Variants in PEBP4 observed in about 807,000 individuals in gnomAD.
PEBP4 encodes the protein phosphatidylethanolamine binding protein 4, also known as phosphatidylethanolamine-binding protein 4.
A neutral mutation model predicts 23.9 loss-of-function variants in PEBP4; 22 were observed. The observed-to-expected ratio is 0.92, with a 90% CI of 0.66 to 1.31. The LOEUF (loss-of-function observed/expected upper bound fraction) is 1.31. Ranked by LOEUF, PEBP4 falls within the 40% of genes most tolerant of loss-of-function variation. The pLI, the probability that PEBP4 is intolerant of heterozygous loss-of-function variation, is 0.00. For synonymous variants in PEBP4, 112 were observed against 99.3 expected (o/e 1.13, Z -0.76); for missense variants, 324 against 281.7 (o/e 1.15, Z -1.07).
intron 4 of PEBP4, among the ~76,000 whole-genome samples, chr8:22,768,433 C>T (rs748563854): frequency 2.0e-5 from 3 of 152,158 alleles, no homozygotes; most frequent in Non-Finnish European, 2.9e-5. Flanking sequence ...GGGGTGCTCA[C>T]GCGAGCCCCC....
At chr8:22,767,392 A>C (rs1805631413) in intron 4 of PEBP4, among the ~76,000 whole-genome samples, 1 of 152,160 alleles carries the variant, frequency 6.6e-6, no homozygotes, top group Non-Finnish European at 1.5e-5. Flanking sequence ...TTTGTTTGTA[A>C]ATCAGAGGGA....
chr8:22,889,032 A>G (rs1276795945), intron 3 of PEBP4, among the ~76,000 whole-genome samples: 2 of 152,168 alleles, frequency 1.3e-5, no homozygotes, highest in Non-Finnish European at 2.9e-5. Context: ...ATTCAAAAGT[A>G]TGTTTGTTTT....
chr8:22,800,191 C>A (rs1806354282), intron 4 of PEBP4, among the ~76,000 whole-genome samples: 1 of 152,054 alleles, frequency 6.6e-6, no homozygotes, highest in Non-Finnish European at 1.5e-5. Context: ...CTGACCTAAA[C>A]AATGCTTGCT....
chr8:22,852,403 A>G (rs1807568618), intron 3 of PEBP4, among the ~76,000 whole-genome samples: 1 of 152,116 alleles, frequency 6.6e-6, no homozygotes, highest in Non-Finnish European at 1.5e-5. Flanking sequence ...GCACCCTCCC[A>G]TCTTCAACGA....
At chr8:22,893,150 G>T (rs1041906417) in intron 3 of PEBP4, among the ~76,000 whole-genome samples, 1 of 152,208 alleles carries the variant, frequency 6.6e-6, no homozygotes, top group Admixed American at 6.5e-5. Flanking sequence ...GAATAAATTT[G>T]TATTCCCACC....
intron 4 of PEBP4, among the ~76,000 whole-genome samples, chr8:22,764,610 T>C (rs77889142): frequency 0.01 from 1,561 of 152,172 alleles, 27 homozygotes; most frequent in African/African-American, 0.036. Flanking sequence ...TCTTGGAATG[T>C]GTGTTTGGTA....
chr8:22,921,252 A>G (rs1183861431), intron 2 of PEBP4, among the ~76,000 whole-genome samples: 1 of 152,248 alleles, frequency 6.6e-6, no homozygotes, highest in African/African-American at 2.4e-5. Flanking sequence ...GGGTTAAGAC[A>G]TCACTGAGAG....
Position 22,724,922 on chromosome 8 carries a change from G to A in PEBP4, c.438C>T (p.Gly146=), listed in dbSNP as rs772206404. The part of the protein sequence containing the change: ...YQAPSPPAHS[G]FHRYQFFVYL... ...AGACAAAGAACTGGTAGCGATGGAA[G>A]CCACTGTGTGCCGGTGGGGAGGGAG... Residue 146 remains glycine, a synonymous_variant, in exon 6 of 7, where the codon GGC becomes GGT. Coordinates refer to ENST00000256404, the MANE Select transcript of PEBP4 (RefSeq NM_144962.3). 2.5e-6 allele frequency: 4 copies of A among 1,614,138 alleles called. No individual in the cohort carries two copies. In the South Asian group the frequency reaches 4.4e-5, roughly 18 times the overall value.
chr8:22,815,617 T>A (rs183240461), intron 4 of PEBP4, among the ~76,000 whole-genome samples: 2 of 152,118 alleles, frequency 1.3e-5, no homozygotes, highest in African/African-American at 4.8e-5. Context: ...AGGGAAGCAG[T>A]GCAAATGTGA....
intron 3 of PEBP4, among the ~76,000 whole-genome samples, chr8:22,850,979 A>G (rs1340411050): frequency 6.6e-6 from 1 of 152,262 alleles, no homozygotes; most frequent in Non-Finnish European, 1.5e-5. Flanking sequence ...CATCTTGGGC[A>G]TCCAACAGTT....
At chr8:22,737,514 G>C (rs573358821) in intron 4 of PEBP4, among the ~76,000 whole-genome samples, 1 of 152,140 alleles carries the variant, frequency 6.6e-6, no homozygotes, top group South Asian at 2.1e-4. Flanking sequence ...GAAATTCCCC[G>C]CTAAGGTGCA....
chr8:22,905,189 A>G (rs1808785707), intron 3 of PEBP4, among the ~76,000 whole-genome samples: 2 of 152,296 alleles, frequency 1.3e-5, no homozygotes, highest in Admixed American at 1.3e-4. Context: ...ATTTTCTAAA[A>G]TCACATTTTT....
chr8:22,817,852 G>A lies in PEBP4; in HGVS notation c.259-117C>T, dbSNP rs149162916. ...AGAATGGCTGAGTAGCCCCTATGGC[G>A]TCCCATCCAGTTTATCCTTGCTCTC... On this transcript the variant is annotated intron_variant, in intron 3 of 6. Transcript: ENST00000256404. 59 of 834,104 alleles carry A rather than the reference G, an allele frequency of 7.1e-5. No homozygotes were observed. The Middle Eastern group carries it at 3.8e-3, about 54-fold the overall frequency. 51.7% of individuals were successfully genotyped at this position (834,104 alleles called of 1,614,324 possible).
intron 4 of PEBP4, among the ~76,000 whole-genome samples, chr8:22,729,529 C>T (rs1563196696): frequency 1.3e-5 from 2 of 152,222 alleles, no homozygotes; most frequent in Admixed American, 6.5e-5. Flanking sequence ...TGATCTGGAG[C>T]CTTGATGGGG....
intron 3 of PEBP4, among the ~76,000 whole-genome samples, chr8:22,823,891 G>A (rs1231946981): frequency 6.6e-6 from 1 of 152,086 alleles, no homozygotes; most frequent in Non-Finnish European, 1.5e-5. Flanking sequence ...ATACGAACAA[G>A]TTTACTAGTC....
At chr8:22,834,831 A>C (rs191246022) in intron 3 of PEBP4, among the ~76,000 whole-genome samples, 4 of 152,292 alleles carry the variant, frequency 2.6e-5, no homozygotes, top group Non-Finnish European at 5.9e-5. Flanking sequence ...CAAGTGTGTG[A>C]CTGAAAGCCT....
chr8:22,925,447 A>T (rs1463394370), intron 2 of PEBP4: 6 of 525,926 alleles, frequency 1.1e-5, no homozygotes, highest in Non-Finnish European at 1.5e-5. Flanking sequence ...CTGTGGGCAG[A>T]TTTCTTAATC....
At chr8:22,854,450 G>A (rs73555812) in intron 3 of PEBP4, among the ~76,000 whole-genome samples, 3,422 of 152,234 alleles carry the variant, frequency 0.022, 137 homozygotes, top group African/African-American at 0.077. Flanking sequence ...TAGTCTTGCC[G>A]TAGGGACCAG....
intron 3 of PEBP4, among the ~76,000 whole-genome samples, chr8:22,868,768 C>T (rs368125213): frequency 1.3e-5 from 2 of 152,292 alleles, no homozygotes; most frequent in Non-Finnish European, 2.9e-5. Context: ...TATCTGACCA[C>T]GTCTCACCGA....
Sources: gnomAD v4.1 joint callset for allele counts (sites outside exome capture counted in the v4.1 genomes callset) on GRCh38, gnomAD v4.1.1 for gene constraint, MANE v1.5 for transcripts, NCBI Gene and HGNC (gene_info 2026-07-23, HGNC 2026-07-21) for gene names.